UBR2: variants seen among roughly 807,000 people sequenced by gnomAD.
UBR2 encodes ubiquitin protein ligase E3 component n-recognin 2.
In UBR2, 92 loss-of-function variants were observed where a neutral mutation model predicts 247.9. That is an observed-to-expected ratio of 0.37 (90% CI 0.31 to 0.44). The LOEUF is 0.44. Among genes scored for constraint, UBR2 ranks in the 20% least tolerant of loss-of-function variants. The pLI, the probability that UBR2 is intolerant of heterozygous loss-of-function variation, is 1.00. For missense variants in UBR2, 1,613 were observed against 2,112.6 expected, an observed-to-expected ratio of 0.76 and a Z score of 4.64; for synonymous variants, 672 against 693.5, an observed-to-expected ratio of 0.97 and a Z score of 0.49.
intron 4 of UBR2, among the ~76,000 whole-genome samples, chr6:42,597,687 G>A (rs1359453368): frequency 1.3e-5 from 2 of 152,024 alleles, no homozygotes; most frequent in East Asian, 1.9e-4. Flanking sequence ...GCTGAGGCAG[G>A]CAGATCACCT....
At chr6:42,592,281 TATC>T in intron 3 of UBR2, 52 bp downstream of exon 3, 1 of 1,326,262 alleles carries the variant, frequency 7.5e-7, no homozygotes, top group Non-Finnish European at 1.0e-6. Context: ...TTATAATAAA[TATC>T]TTTTCTTTCT....
At chr6:42,637,339 G>C (rs1271309123) in intron 15 of UBR2, 145 bp downstream of exon 15, 2 of 943,298 alleles carry the variant, frequency 2.1e-6, no homozygotes, top group African/African-American at 3.3e-5. Context: ...ATCGTCCTGT[G>C]AAGTAGGTAT....
chr6:42,576,917 CT>C lies in UBR2; in HGVS notation c.338+2925del, dbSNP rs374226850. Among the ~76,000 whole-genome samples, 592 of 152,268 alleles carry C rather than the reference CT, an allele frequency of 3.9e-3. 1 individual carries two copies. The highest frequency in any genetic ancestry group is 0.013 in the African/African-American group (554 of 41,558). ...GGGTCCCACAAATAACAGAGACACT[CT>C]GATCACATAAGTAATGCCAGGGATT... is the stretch of plus-strand genomic sequence containing the variant. On this transcript the variant is annotated intron_variant, in intron 2 of 46. Coordinates refer to ENST00000372901, the MANE Select transcript of UBR2 (RefSeq NM_001363705.2).
At chr6:42,662,460 A>G (rs1390052591) in intron 31 of UBR2, among the ~76,000 whole-genome samples, 183 bp downstream of exon 31, 1 of 152,226 alleles carries the variant, frequency 6.6e-6, no homozygotes, top group African/African-American at 2.4e-5. Context: ...TATGTCAGAT[A>G]TGTTTTTTAA....
intron 8 of UBR2, among the ~76,000 whole-genome samples, chr6:42,614,380 A>G (rs1343952250): frequency 3.8e-5 from 5 of 131,636 alleles, no homozygotes; most frequent in African/African-American, 5.7e-5. Context: ...ATGTGTGTAT[A>G]TATGTATGTA....
At chr6:42,626,499 G>T (rs73422512) in intron 11 of UBR2, among the ~76,000 whole-genome samples, 3,548 of 152,166 alleles carry the variant, frequency 0.023, 124 homozygotes, top group African/African-American at 0.08. Flanking sequence ...AGTTGCCTTC[G>T]CTCAAAATAA....
intron 34 of UBR2, 114 bp from the exon 35 acceptor site, chr6:42,669,978 T>C (rs1488859203): frequency 2.5e-5 from 31 of 1,252,232 alleles, no homozygotes; most frequent in Non-Finnish European, 3.2e-5. Flanking sequence ...CAATTATCTC[T>C]GGATATATGT....
At chr6:42,583,126 A>G (rs1156637097) in intron 2 of UBR2, among the ~76,000 whole-genome samples, 1 of 152,122 alleles carries the variant, frequency 6.6e-6, no homozygotes, top group Non-Finnish European at 1.5e-5. Context: ...GCTTTTGATG[A>G]CAGAAGTTTT....
intron 2 of UBR2, among the ~76,000 whole-genome samples, chr6:42,579,413 A>G (rs1484691314): frequency 6.6e-6 from 1 of 152,194 alleles, no homozygotes; most frequent in Non-Finnish European, 1.5e-5. Context: ...TGGGGATTAC[A>G]ATTCAACATG....
intron 5 of UBR2, among the ~76,000 whole-genome samples, chr6:42,605,472 C>G (rs1239953994): frequency 6.6e-6 from 1 of 152,168 alleles, no homozygotes; most frequent in African/African-American, 2.4e-5. Context: ...TCTCTGAGCT[C>G]CCAGGCCTGT....
chr6:42,594,624 G>A (rs1792860139), intron 4 of UBR2, among the ~76,000 whole-genome samples: 1 of 152,124 alleles, frequency 6.6e-6, no homozygotes, highest in South Asian at 2.1e-4. Flanking sequence ...ACCAAGTTGA[G>A]TTTTGTATAT....
Position 42,641,587 on chromosome 6 carries a change from A to G in UBR2, c.1926A>G (p.Glu642=). The change falls in exon 17 of 47, where the codon GAA becomes GAG. Residue 642 remains glutamate (E), a synonymous_variant. Coordinates refer to ENST00000372901, the MANE Select transcript of UBR2 (RefSeq NM_001363705.2). ...TTTATTTTTTGTATATATAGAGTGA[A>G]CTTAGCCCACCCATGTTGATAGAAC... ...YKFPELLPLS[E]LSPPMLIEHP... 1.3e-6 allele frequency: 2 copies of G among 1,592,350 alleles called. No individual in the cohort carries two copies. Among genetic ancestry groups the G allele is most frequent in the Non-Finnish European group, 1.7e-6 (2 of 1,173,400 alleles).
chr6:42,638,751 T>G (rs1796260298), intron 15 of UBR2, among the ~76,000 whole-genome samples: 1 of 139,856 alleles, frequency 7.2e-6, no homozygotes, highest in African/African-American at 2.6e-5. Flanking sequence ...CACGTGCCCT[T>G]AAAAAAAAAA....
At chr6:42,637,714 G>A (rs1317141142) in intron 15 of UBR2, among the ~76,000 whole-genome samples, 1 of 152,156 alleles carries the variant, frequency 6.6e-6, no homozygotes. Flanking sequence ...ACATAATGGG[G>A]TGATAATCTT....
At position 42,684,852 on chromosome 6, in the gene UBR2, A is replaced by T; in HGVS notation, c.4834A>T (p.Asn1612Tyr). ...NLPEDYSSLI[N>Y]QASNFSCPKS... ...TCCAGAGGATTACAGCAGCCTCATT[A>T]ATCAAGCATCCAATTTCTCGTAAGT... Residue 1612 changes from asparagine (N) to tyrosine (Y), a missense_variant, in exon 44 of 47, where the codon AAT becomes TAT. Asn to Tyr is a moderately radical substitution (Grantham distance 143). Coordinates refer to ENST00000372901, the MANE Select transcript of UBR2 (RefSeq NM_001363705.2). The T allele has an allele frequency of 6.2e-7, 1 of 1,612,918 alleles. No individual in the cohort carries two copies. The highest frequency in any genetic ancestry group is 1.1e-5 in the South Asian group (1 of 90,880).
intron 8 of UBR2, 90 bp from the exon 9 acceptor site, chr6:42,614,981 A>G: frequency 2.0e-6 from 2 of 1,019,478 alleles, no homozygotes; most frequent in Non-Finnish European, 2.8e-6. Flanking sequence ...AACATTTAAA[A>G]CTCTACAGAT....
At chr6:42,566,897 C>G (rs2051610734) in intron 1 of UBR2, among the ~76,000 whole-genome samples, 1 of 152,172 alleles carries the variant, frequency 6.6e-6, no homozygotes, top group Admixed American at 6.5e-5. Context: ...TAACCTTAAT[C>G]TTGCCTTACT....
At chr6:42,569,571 T>C (rs554715701) in intron 1 of UBR2, among the ~76,000 whole-genome samples, 22 of 152,348 alleles carry the variant, frequency 1.4e-4, no homozygotes, top group African/African-American at 5.3e-4. Flanking sequence ...TCTCAATATA[T>C]TCCCTAAAAC....
intron 1 of UBR2, among the ~76,000 whole-genome samples, chr6:42,566,476 C>T (rs1485089956): frequency 1.3e-5 from 2 of 152,286 alleles, no homozygotes; most frequent in East Asian, 1.9e-4. Context: ...CCTCCGCCTC[C>T]GGGGTTCAAG....
Sources: allele counts gnomAD v4.1 joint callset (sites outside exome capture counted in the v4.1 genomes callset), GRCh38; gene constraint gnomAD v4.1.1; transcripts MANE v1.5; gene names NCBI Gene and HGNC (gene_info 2026-07-23, HGNC 2026-07-21).